OSBP2: variants seen among roughly 807,000 people sequenced by gnomAD.
The protein encoded by OSBP2 is oxysterol-binding protein 2.
Under a neutral mutation model 96.0 loss-of-function variants are expected in OSBP2, and 66 were observed. That is an observed-to-expected ratio of 0.69 (90% CI 0.56 to 0.84). The LOEUF is 0.84. Among genes scored for constraint, OSBP2 ranks in the 40% least tolerant of loss-of-function variants. The pLI is 0.00. For synonymous variants in OSBP2, 525 were observed against 520.9 expected (o/e 1.01, Z -0.11); for missense variants, 1,038 against 1,222.7 (o/e 0.85, Z 2.25).
intron 1 of OSBP2, among the ~76,000 whole-genome samples, chr22:30,732,730 C>T (rs1316168702): frequency 6.6e-6 from 1 of 152,210 alleles, no homozygotes; most frequent in Admixed American, 6.5e-5. Context: ...GACATGGCAC[C>T]AGATATCAGT....
chr22:30,735,307 GA>G (rs2089832802), intron 1 of OSBP2, among the ~76,000 whole-genome samples: 1 of 151,816 alleles, frequency 6.6e-6, no homozygotes, highest in Non-Finnish European at 1.5e-5. Flanking sequence ...TTCATTTTCT[GA>G]AGTGCTCATG....
At chr22:30,905,134 C>CTTTTTTT (rs566334052) in intron 12 of OSBP2, among the ~76,000 whole-genome samples, 5 of 68,732 alleles carry the variant, frequency 7.3e-5, no homozygotes, top group African/African-American at 1.2e-4. Context: ...CGAGACCCGT[C>CTTTTTTT]TTTTTTTTTT....
At chr22:30,897,723 G>A (rs189074464) in intron 12 of OSBP2, among the ~76,000 whole-genome samples, 4 of 152,278 alleles carry the variant, frequency 2.6e-5, no homozygotes, top group East Asian at 3.9e-4. Flanking sequence ...GGGGGAGGGC[G>A]GGGATCACCT....
chr22:30,694,966 G>A lies in OSBP2; in HGVS notation c.57G>A (p.Gly19=), dbSNP rs1415348914. Residue 19 remains glycine, a synonymous_variant, in exon 1 of 14, where the codon GGG becomes GGA. Transcript: ENST00000332585. ...RGGGCGGRSR[G]LSSLFTVVPC... ...GCGGCTGTGGCGGCCGCTCCCGCGG[G>A]CTCTCGTCGCTGTTCACGGTTGTCC... is the stretch of plus-strand genomic sequence containing the variant. 2.0e-6 allele frequency: 3 copies of A among 1,501,716 alleles called. No individual in the cohort carries two copies. The highest frequency in any genetic ancestry group is 2.9e-5 in the African/African-American group (2 of 69,214). The allele number at this position is 1,501,716 out of a possible 1,614,324, so 93.0% of individuals were successfully genotyped here.
intron 1 of OSBP2, among the ~76,000 whole-genome samples, chr22:30,731,000 C>G (rs557468265): frequency 2.9e-4 from 44 of 149,872 alleles, no homozygotes; most frequent in Non-Finnish European, 5.3e-4. Context: ...CTGTGAAACC[C>G]TGTCTTTACT....
intron 1 of OSBP2, among the ~76,000 whole-genome samples, chr22:30,728,486 T>G (rs1477004717): frequency 6.6e-6 from 1 of 152,054 alleles, no homozygotes; most frequent in Non-Finnish European, 1.5e-5. Flanking sequence ...TTTCCAGGTT[T>G]TTTTGTTTGT....
rs185875497 is a variant in OSBP2, at chr22:30,742,303, G to A, written c.853+934G>A. 8.4e-3 allele frequency among the ~76,000 whole-genome samples: 1,269 copies of A among 151,560 alleles called. 20 individuals are homozygous for A. The highest frequency in any genetic ancestry group is 0.027 in the African/African-American group (1,121 of 41,356). On this transcript the variant is annotated intron_variant, in intron 2 of 13. Transcript: ENST00000332585. ...AAAAATTAGCTGGGCGTGGTGGTGC[G>A]TGCCTGTAATCCCAGCTACTCAGGA...
chr22:30,717,086 G>GTTGT (rs2089469726), intron 1 of OSBP2, among the ~76,000 whole-genome samples: 1 of 96,530 alleles, frequency 1.0e-5, no homozygotes, highest in Admixed American at 1.0e-4. Context: ...TAATTTTACT[G>GTTGT]TTTTTGTGTG....
chr22:30,742,275 AC>A (rs2089949805), intron 2 of OSBP2, among the ~76,000 whole-genome samples: 1 of 151,878 alleles, frequency 6.6e-6, no homozygotes, highest in Non-Finnish European at 1.5e-5. Context: ...TACTAAAGAT[AC>A]AAAAAATTAG....
chr22:30,862,121 C>A (rs739894), intron 2 of OSBP2, among the ~76,000 whole-genome samples: 135,455 of 152,290 alleles, frequency 0.89, 60,499 homozygotes, highest in East Asian at 1. Context: ...GGAAGCTCGC[C>A]GAAGACCTCG....
intron 2 of OSBP2, among the ~76,000 whole-genome samples, chr22:30,780,622 C>T (rs1020313339): frequency 9.2e-5 from 14 of 152,110 alleles, no homozygotes; most frequent in South Asian, 2.1e-4. Flanking sequence ...CACAGCCTCC[C>T]GAGTAGCTGG....
chr22:30,772,472 A>G (rs2090361129), intron 2 of OSBP2, among the ~76,000 whole-genome samples: 1 of 152,148 alleles, frequency 6.6e-6, no homozygotes, highest in Non-Finnish European at 1.5e-5. Context: ...ATGTCTTGTA[A>G]TGAATGAGGC....
chr22:30,835,885 A>AT (rs892243504), intron 2 of OSBP2, among the ~76,000 whole-genome samples: 46 of 148,154 alleles, frequency 3.1e-4, no homozygotes, highest in African/African-American at 2.5e-4. Flanking sequence ...ACCTGGCTAA[A>AT]TTTTTTTTTT....
rs142473650 is a variant in OSBP2, at chr22:30,835,958, C to A, written c.854-34471C>A. On this transcript the variant is annotated intron_variant, in intron 2 of 13. Coordinates refer to ENST00000332585, the MANE Select transcript of OSBP2 (RefSeq NM_030758.4). The stretch of plus-strand genomic sequence containing the variant: ...GGTTTTGAACTCTTGGCCTCAAGTG[C>A]TCCTCCTGCCTTGGCCTTCCAAATG... Among the ~76,000 whole-genome samples the A allele has an allele frequency of 4.9e-3, 739 of 152,134 alleles. 7 individuals carry two copies. Among genetic ancestry groups the A allele is most frequent in the African/African-American group, 0.017 (713 of 41,514 alleles).
At position 30,789,511 on chromosome 22, in the gene OSBP2, C is replaced by T. The variant is rs144025093; in HGVS notation, c.853+48142C>T. Among the ~76,000 whole-genome samples, 8 of 152,266 alleles carry T rather than the reference C, an allele frequency of 5.3e-5. No homozygotes were observed. In the East Asian group the frequency reaches 1.3e-3, roughly 26 times the overall value. The stretch of plus-strand genomic sequence containing the variant: ...AACACAAGTGAATGAGTGATTTCCT[C>T]GTCATTGACCCCATAAACTCAGATA... On this transcript the variant is annotated intron_variant, in intron 2 of 13. Transcript: ENST00000332585.
At chr22:30,891,818 A>T (rs192142253) in intron 8 of OSBP2, among the ~76,000 whole-genome samples, 4 of 152,184 alleles carry the variant, frequency 2.6e-5, no homozygotes, top group Non-Finnish European at 5.9e-5. Flanking sequence ...TGCCCTCGAC[A>T]TGCCAGGTGC....
At chr22:30,772,323 G>A (rs931841171) in intron 2 of OSBP2, among the ~76,000 whole-genome samples, 7 of 152,218 alleles carry the variant, frequency 4.6e-5, no homozygotes, top group African/African-American at 1.7e-4. Context: ...CCTCTCCTGA[G>A]GAATGAGGGT....
At chr22:30,800,625 T>C (rs1320146750) in intron 2 of OSBP2, among the ~76,000 whole-genome samples, 1 of 152,122 alleles carries the variant, frequency 6.6e-6, no homozygotes, top group Non-Finnish European at 1.5e-5. Context: ...TGAGCATGTG[T>C]AGTGGCAAGG....
intron 2 of OSBP2, among the ~76,000 whole-genome samples, chr22:30,817,302 C>G (rs528758298): frequency 6.6e-6 from 1 of 152,342 alleles, no homozygotes; most frequent in African/African-American, 2.4e-5. Context: ...ACCTGATTCT[C>G]CAGACAAACA....
Sources: gnomAD v4.1 joint callset for allele counts (sites outside exome capture counted in the v4.1 genomes callset) on GRCh38, gnomAD v4.1.1 for gene constraint, MANE v1.5 for transcripts, NCBI Gene and HGNC (gene_info 2026-07-23, HGNC 2026-07-21) for gene names.